The following COPS3 variants were observed in gnomAD, a reference collection of about 807,000 sequenced individuals.
COPS3 encodes COP9 signalosome complex subunit 3.
Under a neutral mutation model 58.2 loss-of-function variants are expected in COPS3, and 10 were observed. The observed-to-expected ratio is 0.17, with a 90% CI of 0.11 to 0.29. COPS3 has a LOEUF of 0.29. COPS3 is among the 10% of genes least tolerant of loss of function. The pLI, the probability that COPS3 is intolerant of heterozygous loss-of-function variation, is 1.00. For synonymous variants in COPS3, 187 were observed against 181.7 expected (o/e 1.03, Z -0.24); for missense variants, 333 against 510.1 (o/e 0.65, Z 3.34).
intron 9 of COPS3, among the ~76,000 whole-genome samples, chr17:17,249,579 G>A (rs1046726704): frequency 1.3e-5 from 2 of 151,886 alleles, no homozygotes; most frequent in East Asian, 1.9e-4. Context: ...TGCAACCTCC[G>A]CCTCCTGAGT....
At chr17:17,261,558 A>G (rs1336238543) in intron 7 of COPS3, 2 of 345,858 alleles carry the variant, frequency 5.8e-6, no homozygotes, top group Non-Finnish European at 5.5e-6. Flanking sequence ...AAAATGAAAA[A>G]TATAACAAAA....
At chr17:17,247,455 C>G in intron 11 of COPS3, 25 bp downstream of exon 11, 4 of 1,609,118 alleles carry the variant, frequency 2.5e-6, no homozygotes, top group Non-Finnish European at 3.4e-6. Context: ...CAGCCTACTT[C>G]TTGTAATAAG....
chr17:17,261,954 TA>T lies in COPS3; in HGVS notation c.762+11del. ...GCTCACGTAAGAAATCAGTTTTATG[TA>T]AAAAACTTACCTTAATGAATCTACC... is the stretch of plus-strand genomic sequence containing the variant. On this transcript the variant is annotated intron_variant, in intron 7 of 11. Transcript: ENST00000268717. 6.4e-7 allele frequency: 1 copy of T among 1,572,288 alleles called. No individual in the cohort carries two copies. Among genetic ancestry groups the T allele is most frequent in the Non-Finnish European group, 8.6e-7 (1 of 1,157,470 alleles).
chr17:17,246,628 CTTTCT>C lies in COPS3; in HGVS notation c.*465_*469del, dbSNP rs769084428. ...GTGTGAGCCACTGTGTCTGTCTGGC[CTTTCT>C]TTTCTTTTATTTTCTGAAGACAATG... On this transcript the variant is annotated 3_prime_UTR_variant, in exon 12 of 12. Coordinates refer to ENST00000268717, the MANE Select transcript of COPS3 (RefSeq NM_003653.4). Among the ~76,000 whole-genome samples the C allele has an allele frequency of 2.5e-4, 37 of 149,824 alleles. No individual in the cohort carries two copies. The highest frequency in any genetic ancestry group is 7.2e-4 in the African/African-American group (29 of 40,012).
At chr17:17,247,684 C>T in intron 10 of COPS3, 124 bp from the exon 11 acceptor site, 1 of 892,872 alleles carries the variant, frequency 1.1e-6, no homozygotes, top group Non-Finnish European at 1.7e-6. Flanking sequence ...CCCCTGGGGC[C>T]ACATGGGTTT....
chr17:17,275,109 T>TG (rs1256692687), intron 2 of COPS3, among the ~76,000 whole-genome samples: 3 of 151,694 alleles, frequency 2.0e-5, no homozygotes, highest in African/African-American at 7.3e-5. Flanking sequence ...TTTTTTTTTT[T>TG]TGAGAGAGTC....
At chr17:17,253,341 C>G (rs1167453339) in intron 9 of COPS3, among the ~76,000 whole-genome samples, 1 of 152,194 alleles carries the variant, frequency 6.6e-6, no homozygotes, top group African/African-American at 2.4e-5. Flanking sequence ...AAAACCAGAT[C>G]AGAACTATGT....
At chr17:17,268,840 AC>A (rs942317727) in intron 4 of COPS3, among the ~76,000 whole-genome samples, 5 of 145,938 alleles carry the variant, frequency 3.4e-5, no homozygotes, top group Non-Finnish European at 7.4e-5. Flanking sequence ...AACAACAACA[AC>A]AACAACAAAA....
intron 9 of COPS3, 122 bp from the exon 10 acceptor site, chr17:17,249,161 T>G (rs1055737924): frequency 1.7e-6 from 1 of 595,838 alleles, no homozygotes; most frequent in Non-Finnish European, 2.9e-6. Flanking sequence ...AACTTGTATA[T>G]TTTTAAGCGC....
intron 1 of COPS3, among the ~76,000 whole-genome samples, chr17:17,277,343 C>T (rs138219278): frequency 2.0e-5 from 3 of 152,318 alleles, no homozygotes; most frequent in Non-Finnish European, 4.4e-5. Context: ...ACCTGCTTAG[C>T]AGTTCATCAA....
At chr17:17,247,715 C>G in intron 10 of COPS3, 155 bp from the exon 11 acceptor site, 2 of 626,354 alleles carry the variant, frequency 3.2e-6, no homozygotes, top group Non-Finnish European at 5.5e-6. Context: ...GTATTTTGGA[C>G]TCAGAAAGCT....
chr17:17,258,748 G>A (rs1208746137), intron 8 of COPS3, among the ~76,000 whole-genome samples: 1 of 152,174 alleles, frequency 6.6e-6, no homozygotes, highest in Admixed American at 6.6e-5. Flanking sequence ...CTTAGATCCT[G>A]GTCTTTTAAA....
chr17:17,246,974 C>G lies in COPS3; in HGVS notation c.*124G>C, dbSNP rs2047737816. 1.1e-6 allele frequency: 1 copy of G among 875,840 alleles called. No homozygotes were observed. The highest frequency in any genetic ancestry group is 1.9e-6 in the Non-Finnish European group (1 of 518,466). 54.3% of individuals were successfully genotyped at this position (875,840 alleles called of 1,614,324 possible). On this transcript the variant is annotated 3_prime_UTR_variant, in exon 12 of 12. Coordinates refer to ENST00000268717, the MANE Select transcript of COPS3 (RefSeq NM_003653.4). ...TGAAAGCACACAGGACTGAAGATGT[C>G]AAAACAAAACTTAATTTCTTAGTCT...
chr17:17,247,710 T>C (rs912359215), intron 10 of COPS3, 150 bp from the exon 11 acceptor site: 16 of 662,034 alleles, frequency 2.4e-5, no homozygotes, highest in African/African-American at 3.6e-5. Context: ...CCAGAGTATT[T>C]TGGACTCAGA....
chr17:17,280,918 G>GA (rs1031132603), intron 1 of COPS3: 1 of 881,788 alleles, frequency 1.1e-6, no homozygotes, highest in African/African-American at 1.7e-5. Context: ...CGAGGGAGGG[G>GA]AGGCCGGCCG....
chr17:17,254,829 A>AG lies in COPS3; in HGVS notation c.1023+29_1023+30insC, dbSNP rs748965117. The AG allele has an allele frequency of 2.2e-4, 308 of 1,414,354 alleles. No individual in the cohort carries two copies. The South Asian group carries it at 3.5e-3, about 16-fold the overall frequency. 87.6% of individuals were successfully genotyped at this position (1,414,354 alleles called of 1,614,324 possible). Reference sequence around the variant, plus strand: ...ATCTCAAAAAGAAAAAAAAAAAAAAAAAAGAAAAAGAAAAAGAAAATCCAC... The same window carrying AG: ...ATCTCAAAAAGAAAAAAAAAAAAAAAGAAAGAAAAAGAAAAAGAAAATCCAC... On this transcript the variant is annotated intron_variant, in intron 9 of 11. Transcript: ENST00000268717.
At chr17:17,267,327 CAAAA>C (rs778325363) in intron 5 of COPS3, among the ~76,000 whole-genome samples, 1 of 50,368 alleles carries the variant, frequency 2.0e-5, no homozygotes. Flanking sequence ...GACTCCGTCT[CAAAA>C]AAAAAAAAAA....
At chr17:17,262,756 TG>T (rs1278576413) in intron 6 of COPS3, among the ~76,000 whole-genome samples, 1 of 151,314 alleles carries the variant, frequency 6.6e-6, no homozygotes, top group African/African-American at 2.4e-5. Flanking sequence ...TTTGTAGAAA[TG>T]GAGTCTCACT....
At chr17:17,259,265 T>C (rs2048042224) in intron 8 of COPS3, among the ~76,000 whole-genome samples, 1 of 152,208 alleles carries the variant, frequency 6.6e-6, no homozygotes, top group Non-Finnish European at 1.5e-5. Context: ...CTGTGAACTA[T>C]GCATATCTGG....
Sources: gnomAD v4.1 joint callset for allele counts (sites outside exome capture counted in the v4.1 genomes callset) on GRCh38, gnomAD v4.1.1 for gene constraint, MANE v1.5 for transcripts, NCBI Gene and HGNC (gene_info 2026-07-23, HGNC 2026-07-21) for gene names.